RORA: variants seen among roughly 807,000 people sequenced by gnomAD.
The protein encoded by RORA is nuclear receptor ROR-alpha.
In RORA, 7 loss-of-function variants were observed where a neutral mutation model predicts 69.5. The observed-to-expected ratio is 0.10, with a 90% CI of 0.06 to 0.19. The LOEUF (loss-of-function observed/expected upper bound fraction) is 0.19. RORA is among the 10% of genes least tolerant of loss of function. The pLI, the probability that RORA is intolerant of heterozygous loss-of-function variation, is 1.00. For synonymous variants in RORA, 261 were observed against 240.8 expected, an observed-to-expected ratio of 1.08 and a Z score of -0.78; for missense variants, 457 against 663.0, an observed-to-expected ratio of 0.69 and a Z score of 3.41.
intron 3 of RORA, chr15:60,530,365 C>A (rs900661113): frequency 1.3e-5 from 2 of 152,214 alleles, no homozygotes; most frequent in African/African-American, 4.8e-5. Context: ...GATCATAGCT[C>A]ACTGTAACCT....
chr15:60,648,459 A>C (rs1205373736), intron 2 of RORA, among the ~76,000 whole-genome samples: 3 of 152,220 alleles, frequency 2.0e-5, no homozygotes, highest in African/African-American at 7.2e-5. Context: ...ACTTTATCCA[A>C]AGCGTTATAA....
chr15:60,877,200 G>A (rs918313707), intron 1 of RORA, among the ~76,000 whole-genome samples: 2 of 152,204 alleles, frequency 1.3e-5, no homozygotes, highest in Admixed American at 1.3e-4. Context: ...TAAATGAAAA[G>A]CACACATCAG....
At chr15:61,155,122 T>C (rs1321078122) in intron 1 of RORA, among the ~76,000 whole-genome samples, 1 of 152,172 alleles carries the variant, frequency 6.6e-6, no homozygotes, top group African/African-American at 2.4e-5. Context: ...CACAAAGAAA[T>C]GACAAATGTT....
At chr15:60,847,977 C>T (rs920702729) in intron 1 of RORA, 1 of 152,286 alleles carries the variant, frequency 6.6e-6, no homozygotes, top group Non-Finnish European at 1.5e-5. Context: ...CCACTGCACT[C>T]AGAATGAAAT....
intron 1 of RORA, among the ~76,000 whole-genome samples, chr15:61,197,942 C>A (rs1278621550): frequency 6.6e-6 from 1 of 152,014 alleles, no homozygotes; most frequent in Non-Finnish European, 1.5e-5. Flanking sequence ...TTGGCTGCTG[C>A]TTGTTTTGTG....
At chr15:60,675,215 AC>A (rs1407508035) in intron 2 of RORA, among the ~76,000 whole-genome samples, 1 of 152,232 alleles carries the variant, frequency 6.6e-6, no homozygotes, top group Non-Finnish European at 1.5e-5. Context: ...AAAAACCAAC[AC>A]AGCAGCTGAT....
rs144496819 is a variant in RORA at position 60,613,781 on chromosome 15, G to A, written c.196+64876C>T. 4.2e-3 allele frequency among the ~76,000 whole-genome samples: 607 copies of A among 145,858 alleles called. 11 individuals are homozygous for A. Among genetic ancestry groups the A allele is most frequent in the African/African-American group, 0.014 (571 of 39,828 alleles). On this transcript the variant is annotated intron_variant, in intron 2 of 10. Coordinates refer to ENST00000335670, the MANE Select transcript of RORA (RefSeq NM_134261.3). ...CAAAGTCACCTGAAAAAAAAAAAAG[G>A]TGTCAAAGGGAAAGACTTTCTTCTT...
intron 1 of RORA, among the ~76,000 whole-genome samples, chr15:60,704,210 C>T (rs9920812): frequency 0.074 from 11,279 of 152,310 alleles, 431 homozygotes; most frequent in East Asian, 0.095. Flanking sequence ...GTTAAGGTTT[C>T]TCCCGAGGTG....
chr15:60,969,206 C>T (rs1277772257), intron 1 of RORA, among the ~76,000 whole-genome samples: 1 of 152,182 alleles, frequency 6.6e-6, no homozygotes, highest in Admixed American at 6.5e-5. Context: ...TAAATGTACT[C>T]ATTTTCCTTT....
At chr15:60,750,469 T>C (rs1370363122) in intron 1 of RORA, among the ~76,000 whole-genome samples, 1 of 152,242 alleles carries the variant, frequency 6.6e-6, no homozygotes, top group South Asian at 2.1e-4. Flanking sequence ...AGTTTCAATA[T>C]ATTTTTGCAA....
At chr15:61,082,058 A>G (rs559721826) in intron 1 of RORA, among the ~76,000 whole-genome samples, 1 of 152,326 alleles carries the variant, frequency 6.6e-6, no homozygotes, top group South Asian at 2.1e-4. Context: ...TTACTGTGAC[A>G]ATCATATGTA....
intron 1 of RORA, among the ~76,000 whole-genome samples, chr15:60,910,331 C>T (rs1311333328): frequency 1.3e-5 from 2 of 152,194 alleles, no homozygotes; most frequent in Non-Finnish European, 1.5e-5. Flanking sequence ...TTCCAGAAAG[C>T]CCTATTCTTA....
At chr15:60,554,831 T>C (rs1170929212) in intron 2 of RORA, among the ~76,000 whole-genome samples, 1 of 152,084 alleles carries the variant, frequency 6.6e-6, no homozygotes, top group Non-Finnish European at 1.5e-5. Context: ...GAAGAGCCCT[T>C]CAAAAACCAT....
intron 2 of RORA, among the ~76,000 whole-genome samples, chr15:60,562,851 A>G (rs1019542862): frequency 1.3e-5 from 2 of 152,166 alleles, no homozygotes; most frequent in African/African-American, 4.8e-5. Flanking sequence ...TGCTGACATT[A>G]CAGGCATGAG....
At chr15:61,101,711 G>C (rs1408483936) in intron 1 of RORA, among the ~76,000 whole-genome samples, 1 of 152,016 alleles carries the variant, frequency 6.6e-6, no homozygotes, top group Non-Finnish European at 1.5e-5. Context: ...GACAGAACCA[G>C]ATGTGCATTT....
intron 1 of RORA, among the ~76,000 whole-genome samples, chr15:60,942,808 C>T (rs1267509542): frequency 6.6e-6 from 1 of 152,184 alleles, no homozygotes. Flanking sequence ...GGGGAGGACA[C>T]AGGCAACTGG....
intron 2 of RORA, among the ~76,000 whole-genome samples, chr15:60,560,233 G>A (rs561496871): frequency 1.3e-5 from 2 of 152,278 alleles, no homozygotes; most frequent in Admixed American, 1.3e-4. Context: ...ATATTAAAAT[G>A]TGAGTGTATT....
intron 1 of RORA, among the ~76,000 whole-genome samples, chr15:60,990,172 C>G (rs931503080): frequency 2.0e-5 from 3 of 152,176 alleles, no homozygotes; most frequent in Non-Finnish European, 4.4e-5. Flanking sequence ...TTTTTAAAAG[C>G]TCCAATTATG....
intron 1 of RORA, among the ~76,000 whole-genome samples, chr15:60,755,954 C>A (rs980556178): frequency 1.3e-5 from 2 of 152,186 alleles, no homozygotes; most frequent in Non-Finnish European, 2.9e-5. Flanking sequence ...AGTGTCTGTG[C>A]TGTGCCAGGC....
Sources: allele counts gnomAD v4.1 joint callset (sites outside exome capture counted in the v4.1 genomes callset), GRCh38; gene constraint gnomAD v4.1.1; transcripts MANE v1.5; gene names NCBI Gene and HGNC (gene_info 2026-07-23, HGNC 2026-07-21).